PHACTR1: variants seen among roughly 807,000 people sequenced by gnomAD.
PHACTR1 encodes the protein phosphatase and actin regulator 1.
PHACTR1 carries 16 observed loss-of-function variants against 69.2 expected under a neutral mutation model. The ratio of observed to expected loss-of-function variants is 0.23; its 90% CI spans 0.16 to 0.35. The LOEUF (loss-of-function observed/expected upper bound fraction) is 0.35, where lower values mean the gene tolerates loss of function less well. Ranked by LOEUF, PHACTR1 falls within the 10% of genes least tolerant of loss-of-function variation. The pLI is 1.00. For synonymous variants in PHACTR1, 312 were observed against 284.5 expected (o/e 1.10, Z -0.97); for missense variants, 510 against 734.7 (o/e 0.69, Z 3.54).
At chr6:13,220,122 C>T (rs765391600) in intron 8 of PHACTR1, among the ~76,000 whole-genome samples, 1 of 152,178 alleles carries the variant, frequency 6.6e-6, no homozygotes, top group African/African-American at 2.4e-5. Context: ...GGACCATCTG[C>T]GGTAGCCATG....
intron 4 of PHACTR1, among the ~76,000 whole-genome samples, chr6:13,012,672 C>A (rs933326904): frequency 2.6e-5 from 4 of 152,168 alleles, no homozygotes; most frequent in African/African-American, 9.7e-5. Flanking sequence ...GGATTTGGGG[C>A]TCTGTAATCT....
chr6:13,042,400 T>C (rs1471630297), intron 4 of PHACTR1, among the ~76,000 whole-genome samples: 2 of 152,060 alleles, frequency 1.3e-5, no homozygotes, highest in African/African-American at 4.8e-5. Context: ...GCAATGGATA[T>C]AGTTGGGAAG....
intron 6 of PHACTR1, among the ~76,000 whole-genome samples, chr6:13,164,517 T>C (rs1759506104): frequency 6.6e-6 from 1 of 152,212 alleles, no homozygotes; most frequent in Non-Finnish European, 1.5e-5. Context: ...CCTGTCCACC[T>C]GCATGCAGCC....
chr6:13,247,785 T>C (rs1012626405), intron 10 of PHACTR1, among the ~76,000 whole-genome samples: 1 of 152,136 alleles, frequency 6.6e-6, no homozygotes, highest in African/African-American at 2.4e-5. Context: ...GGTCAGGACT[T>C]CGAGGTTGTA....
chr6:13,046,744 C>T (rs1307857847), intron 4 of PHACTR1, among the ~76,000 whole-genome samples: 1 of 151,914 alleles, frequency 6.6e-6, no homozygotes. Flanking sequence ...CTTTACGTCC[C>T]CATCCCATTC....
intron 4 of PHACTR1, among the ~76,000 whole-genome samples, chr6:13,008,756 G>A (rs1799121407): frequency 6.6e-6 from 1 of 152,230 alleles, no homozygotes; most frequent in Non-Finnish European, 1.5e-5. Context: ...AGATGAGCTT[G>A]CAGTTCTGGT....
chr6:12,777,663 G>T (rs534766624), intron 4 of PHACTR1, among the ~76,000 whole-genome samples: 13 of 106,142 alleles, frequency 1.2e-4, no homozygotes, highest in Non-Finnish European at 1.9e-4. Context: ...ACAGAGTCTT[G>T]CTCTGTCACC....
chr6:12,866,580 T>C (rs955749395), intron 4 of PHACTR1, among the ~76,000 whole-genome samples: 1 of 152,220 alleles, frequency 6.6e-6, no homozygotes, highest in Non-Finnish European at 1.5e-5. Context: ...CTCAATCTTC[T>C]TTCCTCCCAC....
chr6:13,271,141 T>C (rs1777623467), intron 10 of PHACTR1, among the ~76,000 whole-genome samples: 1 of 151,780 alleles, frequency 6.6e-6, no homozygotes, highest in Admixed American at 6.6e-5. Flanking sequence ...CCCAAGTAGC[T>C]AGGATTACAG....
chr6:12,833,851 C>T (rs1777860597), intron 4 of PHACTR1, among the ~76,000 whole-genome samples: 1 of 152,088 alleles, frequency 6.6e-6, no homozygotes, highest in South Asian at 2.1e-4. Context: ...GCCCAGCCTC[C>T]CTCTCCTTCT....
chr6:13,280,684 T>G (rs1779959699), intron 12 of PHACTR1: 1 of 327,298 alleles, frequency 3.1e-6, no homozygotes, highest in East Asian at 8.5e-5. Flanking sequence ...CTGACCAAAC[T>G]GAGACTAATA....
At chr6:12,828,423 C>T (rs952499756) in intron 4 of PHACTR1, among the ~76,000 whole-genome samples, 7 of 152,076 alleles carry the variant, frequency 4.6e-5, no homozygotes, top group Non-Finnish European at 8.8e-5. Context: ...TGGATGTGTT[C>T]TTTTTATAAG....
chr6:13,023,036 T>TAATAA (rs1554108078), intron 4 of PHACTR1, among the ~76,000 whole-genome samples: 14 of 151,912 alleles, frequency 9.2e-5, no homozygotes, highest in African/African-American at 3.4e-4. Context: ...ATAATAATAA[T>TAATAA]AATAAAAATA....
chr6:12,860,155 C>T (rs1475868109), intron 4 of PHACTR1, among the ~76,000 whole-genome samples: 2 of 152,100 alleles, frequency 1.3e-5, no homozygotes, highest in African/African-American at 2.4e-5. Flanking sequence ...CTCCCCTTAT[C>T]CCCCACTCCC....
At chr6:13,105,501 C>G (rs1815970909) in intron 5 of PHACTR1, among the ~76,000 whole-genome samples, 1 of 152,114 alleles carries the variant, frequency 6.6e-6, no homozygotes, top group Non-Finnish European at 1.5e-5. Flanking sequence ...ACAGTTCTGG[C>G]ACTGAGTATA....
intron 4 of PHACTR1, among the ~76,000 whole-genome samples, chr6:12,943,964 C>A (rs896303970): frequency 6.6e-6 from 1 of 152,162 alleles, no homozygotes; most frequent in African/African-American, 2.4e-5. Context: ...CAAAAGATGA[C>A]TCTTCTGCAT....
At chr6:13,235,123 A>C (rs1050151906) in intron 10 of PHACTR1, among the ~76,000 whole-genome samples, 2 of 152,174 alleles carry the variant, frequency 1.3e-5, no homozygotes, top group Non-Finnish European at 2.9e-5. Context: ...CACTGGTTTG[A>C]GTGTCACTTC....
At chr6:12,857,381 G>A (rs1405624294) in intron 4 of PHACTR1, among the ~76,000 whole-genome samples, 3 of 151,110 alleles carry the variant, frequency 2.0e-5, no homozygotes, top group Non-Finnish European at 4.4e-5. Context: ...GGAGGCCGAG[G>A]CCAGAGGATC....
chr6:13,003,982 C>CAT lies in PHACTR1; in HGVS notation c.251-49372_251-49371dup, dbSNP rs200587768. ...ATATATATGTATATATATATATACA[C>CAT]ATATATATATATCACATTTTCTTTA... On this transcript the variant is annotated intron_variant, in intron 4 of 14. Coordinates refer to ENST00000332995, the MANE Select transcript of PHACTR1 (RefSeq NM_030948.6). Among the ~76,000 whole-genome samples, 122 of 70,770 alleles carry CAT rather than the reference C, an allele frequency of 1.7e-3. 7 individuals are homozygous for CAT. The highest frequency in any genetic ancestry group is 8.3e-3 in the East Asian group (34 of 4,086). 46.4% of individuals were successfully genotyped at this position (70,770 alleles called of 152,430 possible).
Sources: gnomAD v4.1 joint callset for allele counts (sites outside exome capture counted in the v4.1 genomes callset) on GRCh38, gnomAD v4.1.1 for gene constraint, MANE v1.5 for transcripts, NCBI Gene and HGNC (gene_info 2026-07-23, HGNC 2026-07-21) for gene names.